The following CNOT7 variants were observed in gnomAD, a reference collection of about 807,000 sequenced individuals.
CNOT7 encodes CCR4-NOT transcription complex subunit 7, also known as BTG1-binding factor 1.
CNOT7 carries 4 observed loss-of-function variants against 37.1 expected under a neutral mutation model. The observed-to-expected ratio is 0.11, with a 90% CI of 0.05 to 0.25. CNOT7 has a LOEUF of 0.25. CNOT7 is among the 10% of genes least tolerant of loss of function. The pLI, the probability that CNOT7 is intolerant of heterozygous loss-of-function variation, is 1.00. For missense variants in CNOT7, 170 were observed against 336.2 expected (o/e 0.51, Z 3.87); for synonymous variants, 128 against 115.6 (o/e 1.11, Z -0.69).
rs566032734 is a variant in CNOT7 at position 17,229,299 on chromosome 8, A to G, written c.*1421T>C. On this transcript the variant is annotated 3_prime_UTR_variant, in exon 7 of 7. Transcript: ENST00000361272. ...ACAAATAATACCCTCTGTTTTGCAA[A>G]TAATGTTTTGTTTAAAAAGGACCAC... The G allele has an allele frequency of 6.6e-6, 1 of 152,016 alleles. No homozygotes were observed. Among genetic ancestry groups the G allele is most frequent in the East Asian group, 1.9e-4 (1 of 5,186 alleles). The allele number at this position is 152,016 out of a possible 1,614,324, so 9.4% of individuals were successfully genotyped here.
Position 17,232,502 on chromosome 8 carries a change from C to T in CNOT7, c.654G>A (p.Leu218=). Residue 218 remains leucine (L), a synonymous_variant, in exon 6 of 7, where the codon CTG becomes CTA. Coordinates refer to ENST00000361272, the MANE Select transcript of CNOT7 (RefSeq NM_013354.7). ...CCTGATGTTGTGGTCCTATCCGTTCCAGCTCTAACTGTTCTGCCACCTCCT... is the reference window on the plus strand; with the variant it reads ...CCTGATGTTGTGGTCCTATCCGTTCTAGCTCTAACTGTTCTGCCACCTCCT... The part of the protein sequence containing the change: ...GLQEVAEQLE[L]ERIGPQHQAG... 6.2e-7 allele frequency: 1 copy of T among 1,614,028 alleles called. No individual in the cohort carries two copies. The highest frequency in any genetic ancestry group is 8.5e-7 in the Non-Finnish European group (1 of 1,179,984).
chr8:17,234,764 A>G lies in CNOT7; in HGVS notation c.570T>C (p.Pro190=). The change falls in exon 5 of 7, where the codon CCT becomes CCC. Residue 190 remains proline (P), a synonymous_variant. Coordinates refer to ENST00000361272, the MANE Select transcript of CNOT7 (RefSeq NM_013354.7). The part of the protein sequence containing the change: ...DFFEILRLFF[P]VIYDVKYLMK... ...TGAGGTACTTCACATCATAAATGAC[A>G]GGAAAAAACAATCGAAGGATCTCAA... 1 of 1,614,130 alleles carries G rather than the reference A, an allele frequency of 6.2e-7. No individual in the cohort carries two copies. The highest frequency in any genetic ancestry group is 2.2e-5 in the East Asian group (1 of 44,866).
At chr8:17,243,584 T>C (rs1458596117) in intron 2 of CNOT7, 4 of 459,350 alleles carry the variant, frequency 8.7e-6, no homozygotes, top group Middle Eastern at 3.2e-4. Context: ...TACTTTCCAA[T>C]TGCTTCTCTG....
Position 17,225,853 on chromosome 8 carries a change from T to C in CNOT7, c.*4867A>G, listed in dbSNP as rs1175694137. On this transcript the variant is annotated 3_prime_UTR_variant, in exon 7 of 7. Coordinates refer to ENST00000361272, the MANE Select transcript of CNOT7 (RefSeq NM_013354.7). The stretch of plus-strand genomic sequence containing the variant: ...ATAATCAGCATTTTTCCTATCCCTT[T>C]ATTTATAAATTCTAACACATTTATT... 6.6e-6 allele frequency: 1 copy of C among 151,602 alleles called. No individual in the cohort carries two copies. The highest frequency in any genetic ancestry group is 1.5e-5 in the Non-Finnish European group (1 of 67,666). The allele number at this position is 151,602 out of a possible 1,614,324, so 9.4% of individuals were successfully genotyped here.
intron 2 of CNOT7, 87 bp downstream of exon 2, chr8:17,244,949 A>C: frequency 9.1e-7 from 1 of 1,102,234 alleles, no homozygotes; most frequent in Non-Finnish European, 1.3e-6. Flanking sequence ...CCCTAAAAAT[A>C]TCAACCAAAA....
At chr8:17,241,597 T>C (rs1434021888) in intron 3 of CNOT7, 3 of 152,164 alleles carry the variant, frequency 2.0e-5, no homozygotes, top group African/African-American at 7.2e-5. Context: ...CTTTCACTAT[T>C]TTACCTACCA....
chr8:17,237,926 C>A (rs996080804), intron 3 of CNOT7, among the ~76,000 whole-genome samples: 4 of 152,232 alleles, frequency 2.6e-5, no homozygotes, highest in African/African-American at 4.8e-5. Flanking sequence ...CAAATGCCTC[C>A]AATAAGCAAC....
rs1808312287 is a variant in CNOT7, at chr8:17,228,598, GCTCCTA to G, written c.*2116_*2121del. On this transcript the variant is annotated 3_prime_UTR_variant, in exon 7 of 7. Transcript: ENST00000361272. ...ATAACCCCATCTTTGGTCCTAAGGC[GCTCCTA>G]AACTTTTGATGGGGTTACCTCTCAA... 1 of 151,888 alleles carries G rather than the reference GCTCCTA, an allele frequency of 6.6e-6. No homozygotes were observed. Among genetic ancestry groups the G allele is most frequent in the South Asian group, 2.1e-4 (1 of 4,824 alleles). 9.4% of individuals were successfully genotyped at this position (151,888 alleles called of 1,614,324 possible).
chr8:17,230,752 C>T lies in CNOT7; in HGVS notation c.826G>A (p.Ala276Thr). 6.2e-7 allele frequency: 1 copy of T among 1,605,830 alleles called. No individual in the cohort carries two copies. The highest frequency in any genetic ancestry group is 8.5e-7 in the Non-Finnish European group (1 of 1,176,098). The change falls in exon 7 of 7, where the codon GCA (alanine) becomes ACA (threonine). Residue 276 changes from alanine (A) to threonine (T), a missense_variant. Physicochemically the swap from Ala to Thr is moderately conservative, Grantham distance 58. Coordinates refer to ENST00000361272, the MANE Select transcript of CNOT7 (RefSeq NM_013354.7). ...TGCTTGTTGGCTTCCTCTTCATATG[C>T]ATTCCCTGTGCCATTCTGTACATAG... is the stretch of plus-strand genomic sequence containing the variant. The part of the protein sequence containing the change: ...SSYVQNGTGN[A>T]YEEEANKQS
At position 17,242,992 on chromosome 8, in the gene CNOT7, G is replaced by A. The variant is rs762517857; in HGVS notation, c.311C>T (p.Thr104Met). 1.3e-5 allele frequency: 20 copies of A among 1,582,752 alleles called. No individual in the cohort carries two copies. The highest frequency in any genetic ancestry group is 2.3e-5 in the East Asian group (1 of 43,244). The change falls in exon 3 of 7, where the codon ACG becomes ATG. Residue 104 changes from threonine to methionine, a missense_variant and splice_region_variant. Transcript: ENST00000361272. Reference sequence around the variant, plus strand: ...GGTTATACAGTTATTTCCCACTTACGTCAAATTAAATTTAAAATTAAACTG... The same window carrying A: ...GGTTATACAGTTATTTCCCACTTACATCAAATTAAATTTAAAATTAAACTG... ...TWQFNFKFNL[T>M]EDMYAQDSIE...
intron 3 of CNOT7, chr8:17,241,683 C>T (rs551727707): frequency 6.6e-6 from 1 of 152,130 alleles, no homozygotes; most frequent in Non-Finnish European, 1.5e-5. Context: ...CAGTTAAGTA[C>T]TCACTCAACG....
intron 6 of CNOT7, chr8:17,232,140 G>C: frequency 9.1e-7 from 1 of 1,100,628 alleles, no homozygotes; most frequent in East Asian, 5.5e-5. Context: ...TTATTAGCCT[G>C]TTTTCTCACC....
chr8:17,237,950 C>T (rs1563199998), intron 3 of CNOT7, among the ~76,000 whole-genome samples: 2 of 152,246 alleles, frequency 1.3e-5, no homozygotes, highest in South Asian at 4.1e-4. Context: ...GTATAAAGGA[C>T]TGTACTGTAA....
chr8:17,232,269 T>C (rs1330804291), intron 6 of CNOT7, 158 bp downstream of exon 6: 36 of 1,471,672 alleles, frequency 2.4e-5, no homozygotes, highest in Non-Finnish European at 2.9e-5. Flanking sequence ...AGATGACTTA[T>C]TTTTGAATAC....
Position 17,230,414 on chromosome 8 carries a change from C to G in CNOT7, c.*306G>C, listed in dbSNP as rs1808468940. 1.1e-5 allele frequency: 2 copies of G among 177,502 alleles called. No individual in the cohort carries two copies. Among genetic ancestry groups the G allele is most frequent in the African/African-American group, 4.7e-5 (2 of 42,408 alleles). 11.0% of individuals were successfully genotyped at this position (177,502 alleles called of 1,614,324 possible). A position where few individuals can be genotyped will look rare whatever the true frequency, so the allele number is the denominator to read the frequency against. Reference sequence around the variant, plus strand: ...TAATTTAGGAAAAGGGAAAAATAAACCAAACTCAAGTCGGTAAAGTTTATC... The same window carrying G: ...TAATTTAGGAAAAGGGAAAAATAAAGCAAACTCAAGTCGGTAAAGTTTATC... On this transcript the variant is annotated 3_prime_UTR_variant, in exon 7 of 7. Coordinates refer to ENST00000361272, the MANE Select transcript of CNOT7 (RefSeq NM_013354.7).
chr8:17,235,005 A>G (rs539153501), intron 4 of CNOT7, 145 bp from the exon 5 acceptor site: 1 of 640,040 alleles, frequency 1.6e-6, no homozygotes, highest in East Asian at 2.8e-5. Flanking sequence ...AGAACAGAGA[A>G]AACAAACATA....
In CNOT7 at chr8:17,226,704, C is replaced by T. The variant is rs1808180087; in HGVS notation, c.*4016G>A. 2 of 151,658 alleles carry T rather than the reference C, an allele frequency of 1.3e-5. No homozygotes were observed. The highest frequency in any genetic ancestry group is 4.1e-4 in the South Asian group (2 of 4,832). The allele number at this position is 151,658 out of a possible 1,614,324, so 9.4% of individuals were successfully genotyped here. A position where few individuals can be genotyped will look rare whatever the true frequency, so the allele number is the denominator to read the frequency against. On this transcript the variant is annotated 3_prime_UTR_variant, in exon 7 of 7. Coordinates refer to ENST00000361272, the MANE Select transcript of CNOT7 (RefSeq NM_013354.7). ...AGCGCTGTTTTGACTTCTCATAGCA[C>T]AGAAAGTATATAAAGCAGCTTGACA... is the stretch of plus-strand genomic sequence containing the variant.
chr8:17,241,645 C>T (rs1810181532), intron 3 of CNOT7: 1 of 152,092 alleles, frequency 6.6e-6, no homozygotes, highest in Non-Finnish European at 1.5e-5. Context: ...GGATGTCAAA[C>T]AGAAGAACAA....
In CNOT7 at chr8:17,245,165, A is replaced by C; in HGVS notation, c.-13T>G. 6.3e-7 allele frequency: 1 copy of C among 1,599,836 alleles called. No homozygotes were observed. The highest frequency in any genetic ancestry group is 1.3e-5 in the African/African-American group (1 of 74,222). On this transcript the variant is annotated 5_prime_UTR_variant, in exon 2 of 7. Coordinates refer to ENST00000361272, the MANE Select transcript of CNOT7 (RefSeq NM_013354.7). ...TTGCCGCTGGCATAGTGAGGGCACA[A>C]GGGAGTCTAGATGCCAAGCATCAAA...
Sources: gnomAD v4.1 joint callset for allele counts (sites outside exome capture counted in the v4.1 genomes callset) on GRCh38, gnomAD v4.1.1 for gene constraint, MANE v1.5 for transcripts, NCBI Gene and HGNC (gene_info 2026-07-23, HGNC 2026-07-21) for gene names.